INSR: variants seen among roughly 807,000 people sequenced by gnomAD.
INSR encodes insulin receptor, also known as IR.
INSR carries 67 observed loss-of-function variants against 142.6 expected under a neutral mutation model. The observed-to-expected ratio is 0.47, with a 90% CI of 0.39 to 0.58. The LOEUF (loss-of-function observed/expected upper bound fraction) is 0.58, where lower values mean the gene tolerates loss of function less well. INSR is among the 20% of genes least tolerant of loss of function. The pLI is 0.00. For synonymous variants in INSR, 756 were observed against 743.1 expected, an observed-to-expected ratio of 1.02 and a Z score of -0.28; for missense variants, 1,248 against 1,833.2, an observed-to-expected ratio of 0.68 and a Z score of 5.83.
chr19:7,158,567 A>G (rs1973672467), intron 9 of INSR, among the ~76,000 whole-genome samples: 1 of 152,200 alleles, frequency 6.6e-6, no homozygotes, highest in African/African-American at 2.4e-5. Flanking sequence ...ATTCACAGAG[A>G]CAGAAAGGAG....
chr19:7,209,247 G>A (rs896284116), intron 2 of INSR, among the ~76,000 whole-genome samples: 2 of 152,196 alleles, frequency 1.3e-5, no homozygotes, highest in African/African-American at 4.8e-5. Context: ...GATTGCTTGT[G>A]CCCAGAAGGT....
chr19:7,212,871 G>A (rs1471712701), intron 2 of INSR, among the ~76,000 whole-genome samples: 3 of 152,076 alleles, frequency 2.0e-5, no homozygotes, highest in Non-Finnish European at 2.9e-5. Context: ...ACAGGTGTGA[G>A]CTACTGTGTC....
At position 7,128,917 on chromosome 19, in the gene INSR, G is replaced by C; in HGVS notation, c.2880C>G (p.Gly960=). Reference sequence around the variant, plus strand: ...TGAAGAGAAAGACAAAGATGAGGGGGCCGATGATAATTTTTGCAATATTTG... The same window carrying C: ...TGAAGAGAAAGACAAAGATGAGGGGCCCGATGATAATTTTTGCAATATTTG... ...VPSNIAKIII[G]PLIFVFLFSV... Residue 960 remains glycine, a synonymous_variant, in exon 15 of 22, where the codon GGC becomes GGG. Coordinates refer to ENST00000302850, the MANE Select transcript of INSR (RefSeq NM_000208.4). 3 of 1,613,868 alleles carry C rather than the reference G, an allele frequency of 1.9e-6. No individual in the cohort carries two copies. Among genetic ancestry groups the C allele is most frequent in the Non-Finnish European group, 2.5e-6 (3 of 1,179,778 alleles).
intron 10 of INSR, 100 bp downstream of exon 10, chr19:7,152,626 C>A: frequency 1.0e-6 from 1 of 970,546 alleles, no homozygotes; most frequent in Non-Finnish European, 1.7e-6. Context: ...ACCCTTCTGC[C>A]GTCTCTGGGT....
At chr19:7,167,940 T>A (rs2860177) in intron 7 of INSR, 28 bp downstream of exon 7, 10 of 1,613,080 alleles carry the variant, frequency 6.2e-6, no homozygotes, top group South Asian at 1.1e-5. Context: ...CCTCGCCTCC[T>A]CAGCGTCTCT....
At chr19:7,255,153 A>C (rs1976850382) in intron 2 of INSR, among the ~76,000 whole-genome samples, 1 of 152,178 alleles carries the variant, frequency 6.6e-6, no homozygotes, top group African/African-American at 2.4e-5. Flanking sequence ...CAACTGGTCT[A>C]CCATCTTTCA....
Position 7,132,284 on chromosome 19 carries a change from C to A in INSR, c.2716G>T (p.Ala906Ser). Residue 906 changes from alanine (A) to serine (S), a missense_variant, in exon 14 of 22, where the codon GCT becomes TCT. Transcript: ENST00000302850. ...LHLCVSRKHF[A>S]LERGCRLRGL... ...CGCAGCCTGCAGCCCCGTTCCAGAG[C>A]GAAGTGCTTGCGGGAGACGCAGAGA... 6 of 1,614,142 alleles carry A rather than the reference C, an allele frequency of 3.7e-6. No individual in the cohort carries two copies. Among genetic ancestry groups the A allele is most frequent in the Non-Finnish European group, 5.1e-6 (6 of 1,180,034 alleles).
chr19:7,259,687 C>T (rs1279403338), intron 2 of INSR, among the ~76,000 whole-genome samples: 2 of 151,968 alleles, frequency 1.3e-5, no homozygotes, highest in Non-Finnish European at 2.9e-5. Flanking sequence ...GGCATGGTGG[C>T]ACGTGCCTGT....
intron 9 of INSR, among the ~76,000 whole-genome samples, chr19:7,154,348 G>A (rs1973530908): frequency 7.7e-6 from 1 of 130,602 alleles, no homozygotes; most frequent in Non-Finnish European, 1.6e-5. Flanking sequence ...TGTTACCCAG[G>A]CTGGAGTGCA....
rs1973295812 is a variant in INSR, at chr19:7,150,062, A to G, written c.2267+435T>C. ...TTTGTTCATACCCTGTCGCCCTTTC[A>G]TGAAAATATTCTGTTTCCAGATCAA... On this transcript the variant is annotated intron_variant, in intron 11 of 21. Transcript: ENST00000302850. This position sits in a 1 kb window ranked among gnomAD's most constrained non-coding sequence, Gnocchi z 4.2. 6.6e-6 allele frequency among the ~76,000 whole-genome samples: 1 copy of G among 152,144 alleles called. No homozygotes were observed. The highest frequency in any genetic ancestry group is 6.6e-5 in the Admixed American group (1 of 15,258).
intron 3 of INSR, among the ~76,000 whole-genome samples, chr19:7,179,014 G>A (rs911960692): frequency 2.6e-5 from 4 of 152,142 alleles, no homozygotes; most frequent in Non-Finnish European, 4.4e-5. Flanking sequence ...GGGCTCAAGC[G>A]ATCCTCCTGC....
chr19:7,194,642 A>G (rs1974695538), intron 2 of INSR, among the ~76,000 whole-genome samples: 1 of 143,668 alleles, frequency 7.0e-6, no homozygotes, highest in African/African-American at 2.6e-5. Flanking sequence ...CCTCCTGAGT[A>G]GCTGGGATTA....
chr19:7,288,055 G>A lies in INSR; in HGVS notation c.100+5737C>T, dbSNP rs181510628. Among the ~76,000 whole-genome samples, 755 of 152,176 alleles carry A rather than the reference G, an allele frequency of 5.0e-3. 5 individuals carry two copies. Among genetic ancestry groups the A allele is most frequent in the African/African-American group, 0.017 (705 of 41,528 alleles). ...TGACCCCTGTTCAGATGAAGAAGTC[G>A]GAATCTATGTAAATTTCTTAGCTGG... On this transcript the variant is annotated intron_variant, in intron 1 of 21. Coordinates refer to ENST00000302850, the MANE Select transcript of INSR (RefSeq NM_000208.4).
chr19:7,203,733 T>C, intron 2 of INSR, among the ~76,000 whole-genome samples: 1 of 152,166 alleles, frequency 6.6e-6, no homozygotes, highest in East Asian at 1.9e-4. Context: ...GGGGACGTAC[T>C]GAATTTCTGC....
chr19:7,234,757 CTCT>C (rs1039468360), intron 2 of INSR, among the ~76,000 whole-genome samples: 2 of 152,070 alleles, frequency 1.3e-5, no homozygotes, highest in African/African-American at 4.8e-5. Flanking sequence ...TTTCAAAAAT[CTCT>C]TCTTAAAAAT....
chr19:7,172,236 T>C (rs1974032268), intron 5 of INSR, 54 bp downstream of exon 5: 3 of 1,604,362 alleles, frequency 1.9e-6, no homozygotes, highest in Non-Finnish European at 1.7e-6. Context: ...GTTGTTCTAA[T>C]ACACGAACTT....
chr19:7,248,887 G>A (rs1199323691), intron 2 of INSR, among the ~76,000 whole-genome samples: 1 of 150,358 alleles, frequency 6.7e-6, no homozygotes, highest in Non-Finnish European at 1.5e-5. Context: ...AGCCTCCCAC[G>A]TAGCTGGGAC....
At chr19:7,224,971 G>A (rs1975735748) in intron 2 of INSR, among the ~76,000 whole-genome samples, 1 of 151,966 alleles carries the variant, frequency 6.6e-6, no homozygotes, top group South Asian at 2.1e-4. Context: ...GAGAGAGACA[G>A]ACAGACAGAC....
At chr19:7,214,774 C>G (rs1409277683) in intron 2 of INSR, among the ~76,000 whole-genome samples, 4 of 151,800 alleles carry the variant, frequency 2.6e-5, no homozygotes, top group Non-Finnish European at 5.9e-5. Flanking sequence ...AGTTCCTTCC[C>G]TTCCCTTTTT....
Sources: gnomAD v4.1 joint callset for allele counts (sites outside exome capture counted in the v4.1 genomes callset) on GRCh38, gnomAD v4.1.1 for gene constraint, Gnocchi (gnomAD v3.1) non-coding constraint, MANE v1.5 for transcripts, NCBI Gene and HGNC (gene_info 2026-07-23, HGNC 2026-07-21) for gene names.